Variants in GALNT13 observed in about 807,000 individuals in gnomAD.
The protein encoded by GALNT13 is polypeptide N-acetylgalactosaminyltransferase 13.
Under a neutral mutation model 64.2 loss-of-function variants are expected in GALNT13, and 28 were observed. The ratio of observed to expected loss-of-function variants is 0.44; its 90% CI spans 0.32 to 0.60. The LOEUF (loss-of-function observed/expected upper bound fraction) is 0.60. GALNT13 is among the 20% of genes least tolerant of loss of function. The pLI is 0.05. For synonymous variants in GALNT13, 214 were observed against 224.6 expected (o/e 0.95, Z 0.42); for missense variants, 577 against 669.8 (o/e 0.86, Z 1.53).
At chr2:154,026,772 A>G (rs1697995854) in intron 3 of GALNT13, among the ~76,000 whole-genome samples, 1 of 152,126 alleles carries the variant, frequency 6.6e-6, no homozygotes, top group Admixed American at 6.6e-5. Context: ...GCTTCAACCT[A>G]TGAATGAATT....
At chr2:153,587,400 C>A in the GALNT13 span, among the ~76,000 whole-genome samples, 249 of 152,178 alleles carry the variant, frequency 1.6e-3, 1 homozygote, top group South Asian at 4.4e-3. Context: ...TGATATTGGG[C>A]AATTTACAAA....
At chr2:153,723,053 A>C in the GALNT13 span, among the ~76,000 whole-genome samples, 2 of 151,874 alleles carry the variant, frequency 1.3e-5, no homozygotes, top group East Asian at 3.9e-4. Context: ...AAAAATCCTC[A>C]ATAAAATACT....
At chr2:154,220,629 A>G (rs564517463) in intron 4 of GALNT13, among the ~76,000 whole-genome samples, 24 of 152,088 alleles carry the variant, frequency 1.6e-4, no homozygotes, top group Non-Finnish European at 3.1e-4. Flanking sequence ...AGCTGTTAAA[A>G]TCTTGATCTT....
At chr2:153,397,171 C>G in the GALNT13 span, among the ~76,000 whole-genome samples, 1 of 152,264 alleles carries the variant, frequency 6.6e-6, no homozygotes, top group East Asian at 1.9e-4. Context: ...GCTGTAATGA[C>G]AAATGCCTTT....
At chr2:154,010,350 A>G (rs1480716352) in intron 3 of GALNT13, among the ~76,000 whole-genome samples, 1 of 152,014 alleles carries the variant, frequency 6.6e-6, no homozygotes, top group Admixed American at 6.6e-5. Flanking sequence ...TGAGATGAAC[A>G]TGTGTTTTTT....
upstream of GALNT13, among the ~76,000 whole-genome samples, chr2:153,869,601 G>T (rs1685815620): frequency 1.3e-5 from 2 of 152,096 alleles, 1 homozygote; most frequent in South Asian, 4.1e-4. Context: ...ATCATATCAT[G>T]AGGCTCATGA....
At chr2:153,695,769 T>C in the GALNT13 span, among the ~76,000 whole-genome samples, 1 of 152,204 alleles carries the variant, frequency 6.6e-6, no homozygotes, top group Non-Finnish European at 1.5e-5. Context: ...AGGATGATAT[T>C]GGAGTCTCTT....
At chr2:153,091,855 C>T in the GALNT13 span, among the ~76,000 whole-genome samples, 12 of 152,160 alleles carry the variant, frequency 7.9e-5, no homozygotes, top group Non-Finnish European at 1.5e-4. Context: ...GATGTGATCC[C>T]GTTTGTCCAT....
chr2:153,477,644 A>G, the GALNT13 span: 1 of 146,078 alleles, frequency 6.8e-6, no homozygotes, highest in Non-Finnish European at 1.5e-5. Context: ...CCACTGGGGC[A>G]GAAAAAGACT....
At chr2:153,078,193 ATTT>A in the GALNT13 span, among the ~76,000 whole-genome samples, 1 of 150,238 alleles carries the variant, frequency 6.7e-6, no homozygotes, top group East Asian at 2.0e-4. Flanking sequence ...TTGCATGGTG[ATTT>A]TATAACTTGC....
the GALNT13 span, among the ~76,000 whole-genome samples, chr2:153,374,299 T>C: frequency 4.6e-4 from 70 of 152,312 alleles, no homozygotes; most frequent in African/African-American, 1.6e-3. Context: ...TATATCTCAT[T>C]GTGGTTTGGT....
At chr2:153,961,096 T>A (rs1692913545) in intron 3 of GALNT13, among the ~76,000 whole-genome samples, 1 of 152,158 alleles carries the variant, frequency 6.6e-6, no homozygotes. Context: ...TATAAAAAAG[T>A]AACTACTCAA....
At chr2:153,578,544 T>C in the GALNT13 span, among the ~76,000 whole-genome samples, 1 of 152,182 alleles carries the variant, frequency 6.6e-6, no homozygotes, top group South Asian at 2.1e-4. Flanking sequence ...ACCTTGACTG[T>C]AGACCCATCA....
chr2:154,144,799 A>T (rs1172980894), intron 4 of GALNT13, among the ~76,000 whole-genome samples: 1 of 152,006 alleles, frequency 6.6e-6, no homozygotes, highest in Non-Finnish European at 1.5e-5. Flanking sequence ...AATAACCATC[A>T]GGACAAATTG....
chr2:153,808,155 T>C, the GALNT13 span, among the ~76,000 whole-genome samples: 1 of 152,184 alleles, frequency 6.6e-6, no homozygotes, highest in Admixed American at 6.5e-5. Flanking sequence ...ATGTTTTTTC[T>C]TCTATAATAC....
At chr2:154,272,931 G>A (rs1691434081) in intron 8 of GALNT13, among the ~76,000 whole-genome samples, 1 of 152,094 alleles carries the variant, frequency 6.6e-6, no homozygotes, top group Non-Finnish European at 1.5e-5. Context: ...CATTTATACA[G>A]ATTGGGTTTG....
At chr2:153,722,454 A>G in the GALNT13 span, among the ~76,000 whole-genome samples, 2 of 144,278 alleles carry the variant, frequency 1.4e-5, no homozygotes, top group Admixed American at 6.7e-5. Context: ...AAATAACTAA[A>G]ATCGGAGCAG....
the GALNT13 span, among the ~76,000 whole-genome samples, chr2:153,072,726 T>A: frequency 1.3e-5 from 2 of 152,336 alleles, 1 homozygote; most frequent in Admixed American, 1.3e-4. Flanking sequence ...AAATATACAT[T>A]GCTAGGGCTG....
intron 9 of GALNT13, among the ~76,000 whole-genome samples, chr2:154,360,159 A>G (rs1404498): frequency 0.65 from 98,207 of 152,030 alleles, 32,242 homozygotes; most frequent in East Asian, 0.78. Flanking sequence ...GATTGTTTGT[A>G]AATATTCACA....
Sources: gnomAD v4.1 joint callset for allele counts (sites outside exome capture counted in the v4.1 genomes callset) on GRCh38, gnomAD v4.1.1 for gene constraint, MANE v1.5 for transcripts, NCBI Gene and HGNC (gene_info 2026-07-23, HGNC 2026-07-21) for gene names.